The following FANCA variants were observed in gnomAD, a reference collection of about 807,000 sequenced individuals.
FANCA encodes the protein FA complementation group A.
FANCA carries 236 observed loss-of-function variants against 194.3 expected under a neutral mutation model. The ratio of observed to expected loss-of-function variants is 1.21; its 90% confidence interval spans 1.09 to 1.35. The LOEUF (loss-of-function observed/expected upper bound fraction) is 1.35, where lower values mean the gene tolerates loss of function less well. FANCA is among the 40% of genes most tolerant of loss of function. The pLI, the probability that FANCA is intolerant of heterozygous loss-of-function variation, is 0.00. For synonymous variants in FANCA, 1,014 were observed against 715.8 expected (o/e 1.42, Z -6.65); for missense variants, 2,628 against 1,813.9 (o/e 1.45, Z -8.15).
rs746514288 is a variant in FANCA at position 89,791,925 on chromosome 16, A to T, written c.1225+2T>A. On this transcript the variant is annotated splice_donor_variant, in intron 13 of 42. Transcript: ENST00000389301. LOFTEE classifies it high-confidence loss of function. ...CACCACCGGGCTCGCGTAAAAGCTCACCTTCAAGCAGCTGCTGCGCTTCTG... is the reference window on the plus strand; with the variant it reads ...CACCACCGGGCTCGCGTAAAAGCTCTCCTTCAAGCAGCTGCTGCGCTTCTG... 1 of 1,614,096 alleles carries T rather than the reference A, an allele frequency of 6.2e-7. No homozygotes were observed. Among genetic ancestry groups the T allele is most frequent in the Non-Finnish European group, 8.5e-7 (1 of 1,180,014 alleles).
chr16:89,772,400 C>G (rs1185517685), intron 22 of FANCA, among the ~76,000 whole-genome samples: 1 of 152,258 alleles, frequency 6.6e-6, no homozygotes, highest in Non-Finnish European at 1.5e-5. Flanking sequence ...GCAGCCCCAG[C>G]TAGCGCTAAC....
chr16:89,759,662 G>A (rs1200379610), intron 29 of FANCA, among the ~76,000 whole-genome samples: 1 of 152,190 alleles, frequency 6.6e-6, no homozygotes, highest in African/African-American at 2.4e-5. Flanking sequence ...TCAGGAGGCT[G>A]AGGCAGGAGG....
At chr16:89,785,855 TTTG>T (rs1334564544) in intron 14 of FANCA, among the ~76,000 whole-genome samples, 7 of 141,032 alleles carry the variant, frequency 5.0e-5, no homozygotes, top group South Asian at 2.4e-4. Flanking sequence ...AAAATTGTGT[TTTG>T]TTTTTTTTTT....
chr16:89,811,212 G>A (rs2040866631), intron 3 of FANCA, 141 bp from the exon 4 acceptor site: 2 of 987,166 alleles, frequency 2.0e-6, no homozygotes, highest in African/African-American at 1.6e-5. Context: ...AGATGCAAAG[G>A]GAAAAACATG....
intron 32 of FANCA, 66 bp from the exon 33 acceptor site, chr16:89,748,833 A>C: frequency 9.0e-6 from 12 of 1,334,694 alleles, no homozygotes; most frequent in Non-Finnish European, 1.3e-5. Context: ...CCAAGGGCTC[A>C]GACTCTCAGA....
rs555210441 is a variant in FANCA, at chr16:89,803,284, GTTC to G, written c.764_766del (p.Arg255del). 74 of 1,614,070 alleles carry G rather than the reference GTTC, an allele frequency of 4.6e-5. No individual in the cohort carries two copies. The highest frequency in any genetic ancestry group is 4.4e-4 in the African/African-American group (33 of 75,034). On this transcript the variant is annotated inframe_deletion, in exon 8 of 43. Coordinates refer to ENST00000389301, the MANE Select transcript of FANCA (RefSeq NM_000135.4). The stretch of plus-strand genomic sequence containing the variant: ...CTGCGGCATTTTTTCAGGCTCCACA[GTTC>G]TTCTCAGATCTGAGTTTTTCTGAAA...
chr16:89,814,534 G>C lies in FANCA; in HGVS notation c.269C>G (p.Ser90Cys), dbSNP rs779218902. 4 of 1,612,030 alleles carry C rather than the reference G, an allele frequency of 2.5e-6. No individual in the cohort carries two copies. Among genetic ancestry groups the C allele is most frequent in the Non-Finnish European group, 3.4e-6 (4 of 1,178,268 alleles). Residue 90 changes from serine to cysteine, a missense_variant, in exon 3 of 43, where the codon TCT becomes TGT. Transcript: ENST00000389301. ...CTATAACTTACCTATAAATGAACTA[G>C]AATGATTAGCATAGGCCTCAGAACT... ...CDSSEAYANH[S>C]SSFIGSALQD...
chr16:89,816,143 C>T (rs1023331808), intron 1 of FANCA, 157 bp from the exon 2 acceptor site: 2 of 684,226 alleles, frequency 2.9e-6, no homozygotes, highest in South Asian at 3.0e-5. Flanking sequence ...GGGAAACTAA[C>T]GGAGACGGCC....
rs1251792942 is a variant in FANCA at position 89,810,759 on chromosome 16, G to T, written c.470C>A (p.Ala157Glu). 1 of 1,613,484 alleles carries T rather than the reference G, an allele frequency of 6.2e-7. No individual in the cohort carries two copies. Among genetic ancestry groups the T allele is most frequent in the Non-Finnish European group, 8.5e-7 (1 of 1,179,370 alleles). ...SLLEFAQYLLAHSMFSRLSFC... is the reference protein window; with the variant it reads ...SLLEFAQYLLEHSMFSRLSFC... ...GGAAAGACGGGAGAACATACTGTGT[G>T]CCAATAAATACTGAGCAAACTCTAA... The change falls in exon 5 of 43, where the codon GCA (alanine) becomes GAA (glutamate). Residue 157 changes from alanine to glutamate, a missense_variant. Transcript: ENST00000389301.
rs201727980 is a variant in FANCA at position 89,737,926 on chromosome 16, CCT to C, written c.*673_*674del. The C allele has an allele frequency of 1.3e-5, 21 of 1,571,132 alleles. No individual in the cohort carries two copies. Among genetic ancestry groups the C allele is most frequent in the African/African-American group, 6.9e-5 (4 of 58,206 alleles). ...TTGCAGTAAGTGTGAGTCAGGACCC[CCT>C]CCCAGGGCTGTGGCCCTCGCACCTT... On this transcript the variant is annotated 3_prime_UTR_variant, in exon 43 of 43. Coordinates refer to ENST00000389301, the MANE Select transcript of FANCA (RefSeq NM_000135.4).
intron 37 of FANCA, among the ~76,000 whole-genome samples, chr16:89,741,643 T>A (rs1431888744): frequency 6.6e-6 from 1 of 152,184 alleles, no homozygotes; most frequent in Non-Finnish European, 1.5e-5. Flanking sequence ...AGGTGGGCAG[T>A]GGGTCTGAGT....
At chr16:89,788,074 C>G (rs537977702) in intron 14 of FANCA, among the ~76,000 whole-genome samples, 1 of 151,962 alleles carries the variant, frequency 6.6e-6, no homozygotes, top group Admixed American at 6.6e-5. Context: ...GGTTTTGCCA[C>G]GTTGCCCAGG....
intron 14 of FANCA, 23 bp downstream of exon 14, chr16:89,791,380 T>A: frequency 6.2e-7 from 1 of 1,612,688 alleles, no homozygotes; most frequent in South Asian, 1.1e-5. Context: ...AGGTATTAGG[T>A]AGCCGATTGG....
rs1217883878 is a variant in FANCA, at chr16:89,761,975, T to G, written c.2826A>C (p.Glu942Asp). The G allele has an allele frequency of 6.2e-7, 1 of 1,614,116 alleles. No individual in the cohort carries two copies. Among genetic ancestry groups the G allele is most frequent in the Admixed American group, 1.7e-5 (1 of 60,006 alleles). The change falls in exon 29 of 43, where the codon GAA (glutamate) becomes GAC (aspartate). Residue 942 changes from glutamate (E) to aspartate (D), a missense_variant. By Grantham distance (45) the Glu-to-Asp change is conservative. Transcript: ENST00000389301. Reference sequence around the variant, plus strand: ...GTTCAGTATCTGAAAGAGCATCAGCTTCAGGTTGAATTTCCAGCTCCAGGT... The same window carrying G: ...GTTCAGTATCTGAAAGAGCATCAGCGTCAGGTTGAATTTCCAGCTCCAGGT... Reference protein sequence around the residue: ...WLHLELEIQPEADALSDTERQ... With the variant: ...WLHLELEIQPDADALSDTERQ...
intron 5 of FANCA, among the ~76,000 whole-genome samples, chr16:89,809,441 G>A (rs541011479): frequency 2.0e-4 from 31 of 151,790 alleles, no homozygotes; most frequent in Non-Finnish European, 4.1e-4. Flanking sequence ...AAGGCCGGAC[G>A]CAGTGGCTCA....
rs750021837 is a variant in FANCA at position 89,816,574 on chromosome 16, G to C, written c.42C>G (p.Asp14Glu). ...SWVPNSASGQDPGGRRRAWAE... is the reference protein window; with the variant it reads ...SWVPNSASGQEPGGRRRAWAE... ...CCCAGGCCCTCCGGCGGCCCCCTGG[G>C]TCCTGGCCCGAGGCGGAGTTCGGGA... The change falls in exon 1 of 43, where the codon GAC (aspartate) becomes GAG (glutamate). Residue 14 changes from aspartate (D) to glutamate (E), a missense_variant. Asp to Glu is a conservative substitution (Grantham distance 45). Transcript: ENST00000389301. 2 of 1,524,044 alleles carry C rather than the reference G, an allele frequency of 1.3e-6. No individual in the cohort carries two copies. Among genetic ancestry groups the C allele is most frequent in the Non-Finnish European group, 1.7e-6 (2 of 1,143,816 alleles). The allele number at this position is 1,524,044 out of a possible 1,614,324, so 94.4% of individuals were successfully genotyped here. A position where few individuals can be genotyped will look rare whatever the true frequency, so the allele number is the denominator to read the frequency against.
At chr16:89,745,173 G>C in intron 35 of FANCA, 102 bp from the exon 36 acceptor site, 1 of 1,100,072 alleles carries the variant, frequency 9.1e-7, no homozygotes, top group Admixed American at 2.0e-5. Flanking sequence ...GGCCACTACA[G>C]GCCCACACTC....
intron 10 of FANCA, chr16:89,798,533 C>A: frequency 1.8e-6 from 2 of 1,108,026 alleles, no homozygotes; most frequent in Non-Finnish European, 2.2e-6. Context: ...CTCAAGACTT[C>A]ACTTCAAGGT....
chr16:89,761,729 A>G (rs2038960547), intron 29 of FANCA, among the ~76,000 whole-genome samples: 1 of 152,108 alleles, frequency 6.6e-6, no homozygotes, highest in Non-Finnish European at 1.5e-5. Context: ...GGCTCAAGCA[A>G]TGCTCCTGCT....
Sources: gnomAD v4.1 joint callset for allele counts (sites outside exome capture counted in the v4.1 genomes callset) on GRCh38, gnomAD v4.1.1 for gene constraint, MANE v1.5 for transcripts, NCBI Gene and HGNC (gene_info 2026-07-23, HGNC 2026-07-21) for gene names.